Variants in CAMTA1 observed in about 807,000 individuals in gnomAD.
CAMTA1 encodes calmodulin-binding transcription activator 1.
In CAMTA1, 27 loss-of-function variants were observed where a neutral mutation model predicts 170.9. The ratio of observed to expected loss-of-function variants is 0.16; its 90% CI spans 0.12 to 0.22. The LOEUF is 0.22. Among genes scored for constraint, CAMTA1 ranks in the 10% least tolerant of loss-of-function variants. The probability of loss-of-function intolerance (pLI) is 1.00; values close to 1 mark genes in which losing one functional copy is unlikely to be tolerated. For synonymous variants in CAMTA1, 833 were observed against 891.5 expected (o/e 0.93, Z 1.17); for missense variants, 1,619 against 2,217.2 (o/e 0.73, Z 5.42).
At chr1:7,324,806 C>A (rs1046413667) in intron 5 of CAMTA1, among the ~76,000 whole-genome samples, 306 of 128,310 alleles carry the variant, frequency 2.4e-3, no homozygotes, top group Middle Eastern at 3.9e-3. Context: ...GACTCCATCT[C>A]AAAAAAAAAA....
At chr1:7,028,093 C>T (rs977999612) in intron 3 of CAMTA1, among the ~76,000 whole-genome samples, 5 of 151,902 alleles carry the variant, frequency 3.3e-5, no homozygotes, top group Admixed American at 1.3e-4. Flanking sequence ...TTAGTAGAGA[C>T]GGGGTTTCAC....
chr1:7,597,037 G>A (rs2095406040), intron 6 of CAMTA1, among the ~76,000 whole-genome samples: 1 of 152,156 alleles, frequency 6.6e-6, no homozygotes, highest in East Asian at 1.9e-4. Flanking sequence ...CTTGGACATT[G>A]TTGGCATCTT....
intron 3 of CAMTA1, among the ~76,000 whole-genome samples, chr1:6,922,520 C>T (rs913024665): frequency 1.3e-5 from 2 of 152,162 alleles, no homozygotes; most frequent in East Asian, 1.9e-4. Context: ...AGCCAGGGCT[C>T]CTCTGGCATC....
At chr1:7,582,364 C>T (rs2095268703) in intron 6 of CAMTA1, among the ~76,000 whole-genome samples, 1 of 150,846 alleles carries the variant, frequency 6.6e-6, no homozygotes. Context: ...CTGATTCACC[C>T]ACCCCCTACC....
At chr1:7,365,591 T>C (rs1022060639) in intron 5 of CAMTA1, among the ~76,000 whole-genome samples, 2 of 152,168 alleles carry the variant, frequency 1.3e-5, no homozygotes, top group Admixed American at 1.3e-4. Flanking sequence ...TCTGCAGAAG[T>C]AGAGACACCG....
intron 6 of CAMTA1, among the ~76,000 whole-genome samples, chr1:7,620,185 CAG>C (rs1455392929): frequency 1.3e-5 from 2 of 152,198 alleles, no homozygotes; most frequent in Non-Finnish European, 2.9e-5. Context: ...GATTCTCAAA[CAG>C]GGGTGATTTT....
intron 3 of CAMTA1, among the ~76,000 whole-genome samples, chr1:7,034,507 C>T (rs1281486978): frequency 6.6e-6 from 1 of 152,244 alleles, no homozygotes; most frequent in Admixed American, 6.5e-5. Flanking sequence ...ATAGTTTCCT[C>T]ATACACGTGC....
intron 3 of CAMTA1, among the ~76,000 whole-genome samples, chr1:7,042,432 C>A (rs1013163673): frequency 1.7e-4 from 26 of 152,330 alleles, no homozygotes; most frequent in African/African-American, 6.0e-4. Flanking sequence ...CCTGCCTCTC[C>A]CTGTTCAGCC....
At position 7,455,542 on chromosome 1, in the gene CAMTA1, C is replaced by A. The variant is rs924094905; in HGVS notation, c.439-12288C>A. On this transcript the variant is annotated intron_variant, in intron 5 of 22. Transcript: ENST00000303635. The surrounding 1 kb of genome is among the most constrained non-coding windows in gnomAD (Gnocchi z 5.0). ...AGCCACAGACCGGCCCGGCGTTTCC[C>A]TCCACCTGCTTCATAAGCAAAACCC... Among the ~76,000 whole-genome samples, 1 of 152,250 alleles carries A rather than the reference C, an allele frequency of 6.6e-6. No homozygotes were observed. Among genetic ancestry groups the A allele is most frequent in the Non-Finnish European group, 1.5e-5 (1 of 68,048 alleles).
intron 6 of CAMTA1, among the ~76,000 whole-genome samples, chr1:7,511,649 T>A (rs2094203157): frequency 6.6e-6 from 1 of 152,130 alleles, no homozygotes; most frequent in African/African-American, 2.4e-5. Context: ...TTCTGACCAG[T>A]GTATTCTGAC....
In CAMTA1 at chr1:7,664,982, C is replaced by T. The variant is rs748056843; in HGVS notation, c.2435C>T (p.Ala812Val). ...ALSQSEDGAR[A>V]PFTQAEMCLP... The stretch of plus-strand genomic sequence containing the variant: ...TCACAGTCAGAGGACGGGGCGCGGG[C>T]CCCCTTCACCCAGGCAGAGATGTGC... Residue 812 changes from alanine to valine, a missense_variant, in exon 9 of 23, where the codon GCC (alanine) becomes GTC (valine). Physicochemically the swap from Ala to Val is moderately conservative, Grantham distance 64. Transcript: ENST00000303635. 9.3e-6 allele frequency: 15 copies of T among 1,609,080 alleles called. No homozygotes were observed. The highest frequency in any genetic ancestry group is 1.3e-5 in the African/African-American group (1 of 75,012).
At chr1:7,762,321 G>A (rs1345902909) in intron 22 of CAMTA1, among the ~76,000 whole-genome samples, 1 of 152,136 alleles carries the variant, frequency 6.6e-6, no homozygotes, top group African/African-American at 2.4e-5. Flanking sequence ...TTTAACATCT[G>A]CCTGAATAAT....
chr1:6,940,971 G>GA (rs1341333506), intron 3 of CAMTA1, among the ~76,000 whole-genome samples: 3 of 132,772 alleles, frequency 2.3e-5, no homozygotes, highest in Non-Finnish European at 5.1e-5. Flanking sequence ...GCAAGGTGGG[G>GA]GGATCCTTGC....
chr1:7,297,283 A>G (rs1040660590), intron 5 of CAMTA1, among the ~76,000 whole-genome samples: 1 of 152,314 alleles, frequency 6.6e-6, no homozygotes, highest in East Asian at 1.9e-4. Context: ...TCAGTTAATT[A>G]CTGGCAGATC....
intron 3 of CAMTA1, among the ~76,000 whole-genome samples, chr1:6,901,806 G>A (rs1677000966): frequency 6.6e-6 from 1 of 152,102 alleles, no homozygotes; most frequent in African/African-American, 2.4e-5. Flanking sequence ...AGCACTTTGG[G>A]AGGCCAAGGC....
chr1:7,066,441 C>T (rs1049177349), intron 3 of CAMTA1, among the ~76,000 whole-genome samples: 12 of 152,248 alleles, frequency 7.9e-5, no homozygotes, highest in Non-Finnish European at 1.5e-4. Context: ...CTGGTCAACA[C>T]TGACTTAGAA....
intron 3 of CAMTA1, among the ~76,000 whole-genome samples, chr1:6,958,686 C>T (rs1488059134): frequency 6.6e-6 from 1 of 152,240 alleles, no homozygotes; most frequent in Non-Finnish European, 1.5e-5. Flanking sequence ...AATCTCCTCC[C>T]AGCCTAGTCC....
At chr1:7,061,612 G>A (rs1191937991) in intron 3 of CAMTA1, among the ~76,000 whole-genome samples, 2 of 151,854 alleles carry the variant, frequency 1.3e-5, no homozygotes, top group African/African-American at 2.4e-5. Context: ...AGGCCAGGGA[G>A]GAACAGGCAG....
intron 11 of CAMTA1, among the ~76,000 whole-genome samples, chr1:7,689,900 G>A (rs559708555): frequency 4.6e-5 from 7 of 152,306 alleles, no homozygotes; most frequent in African/African-American, 1.4e-4. Flanking sequence ...GCTCGTGCCT[G>A]TAATCCCAGC....
Sources: allele counts gnomAD v4.1 joint callset (sites outside exome capture counted in the v4.1 genomes callset), GRCh38; gene constraint gnomAD v4.1.1; non-coding constraint Gnocchi (gnomAD v3.1); transcripts MANE v1.5; gene names NCBI Gene and HGNC (gene_info 2026-07-23, HGNC 2026-07-21).